Variants in RGS22 observed in about 807,000 individuals in gnomAD.
RGS22 encodes the protein regulator of G protein signaling 22.
A neutral mutation model predicts 172.9 loss-of-function variants in RGS22; 148 were observed. That is an observed-to-expected ratio of 0.86 (90% CI 0.75 to 0.98). The LOEUF (loss-of-function observed/expected upper bound fraction) is 0.98. RGS22 is among the 50% of genes least tolerant of loss of function. The pLI, the probability that RGS22 is intolerant of heterozygous loss-of-function variation, is 0.00. For synonymous variants in RGS22, 458 were observed against 480.2 expected, an observed-to-expected ratio of 0.95 and a Z score of 0.60; for missense variants, 1,347 against 1,440.8, an observed-to-expected ratio of 0.93 and a Z score of 1.05.
intron 22 of RGS22, among the ~76,000 whole-genome samples, chr8:99,980,373 A>G (rs1434348844): frequency 6.6e-6 from 1 of 152,216 alleles, no homozygotes. Flanking sequence ...GTCATGTTGC[A>G]GATCTAAAGT....
At position 100,080,106 on chromosome 8, in the gene RGS22, A is replaced by G. The variant is rs780104605; in HGVS notation, c.339+28T>C. The G allele has an allele frequency of 4.1e-6, 6 of 1,468,082 alleles. No homozygotes were observed. The East Asian group carries it at 1.1e-4, about 28-fold the overall frequency. 90.9% of individuals were successfully genotyped at this position (1,468,082 alleles called of 1,614,324 possible). ...ATTTCACCAAATGCTTTATCTATCT[A>G]ACAAGATAAAACAGTATACTTTCTT... On this transcript the variant is annotated intron_variant, in intron 4 of 27. Coordinates refer to ENST00000360863, the MANE Select transcript of RGS22 (RefSeq NM_015668.5).
At chr8:100,101,361 G>A (rs1400835849) in intron 2 of RGS22, among the ~76,000 whole-genome samples, 2 of 148,806 alleles carry the variant, frequency 1.3e-5, no homozygotes, top group South Asian at 2.1e-4. Flanking sequence ...ATCTCAGCTC[G>A]CTGCAACCTC....
Position 100,040,031 on chromosome 8 carries a change from C to T in RGS22, c.1995G>A (p.Leu665=), listed in dbSNP as rs373867783. The T allele has an allele frequency of 3.7e-6, 6 of 1,609,194 alleles. No individual in the cohort carries two copies. The African/African-American group carries it at 5.4e-5, about 14-fold the overall frequency. The change falls in exon 13 of 28, where the codon TTG becomes TTA. Residue 665 remains leucine (L), a synonymous_variant. Transcript: ENST00000360863. The part of the protein sequence containing the change: ...ALGGSDMENL[L]QSLYVENRAG... ...CTCTATTTTCTACATACAAAGATTG[C>T]AACAAATTTTCCATGTCAGATCCTC... is the stretch of plus-strand genomic sequence containing the variant.
At chr8:99,987,028 C>T (rs568956642) in intron 21 of RGS22, among the ~76,000 whole-genome samples, 1 of 152,230 alleles carries the variant, frequency 6.6e-6, no homozygotes, top group Admixed American at 6.5e-5. Flanking sequence ...ATCTGAAATG[C>T]TTAGGACCAG....
chr8:100,048,481 G>T, intron 10 of RGS22, among the ~76,000 whole-genome samples: 1 of 151,940 alleles, frequency 6.6e-6, no homozygotes, highest in South Asian at 2.1e-4. Context: ...TTTCTAATAC[G>T]TCAACTTCCA....
chr8:100,047,076 A>G (rs1820801518), intron 11 of RGS22, among the ~76,000 whole-genome samples: 2 of 152,122 alleles, frequency 1.3e-5, no homozygotes, highest in Non-Finnish European at 2.9e-5. Flanking sequence ...CTGGTCTCCA[A>G]AATGCTGCGA....
intron 14 of RGS22, among the ~76,000 whole-genome samples, chr8:100,029,303 G>A (rs181013277): frequency 3.1e-4 from 47 of 152,282 alleles, no homozygotes; most frequent in Non-Finnish European, 5.6e-4. Context: ...AATGATGTGT[G>A]TTGCTTTAAG....
At chr8:100,026,826 C>T (rs1204883149) in intron 14 of RGS22, among the ~76,000 whole-genome samples, 1 of 152,144 alleles carries the variant, frequency 6.6e-6, no homozygotes, top group Non-Finnish European at 1.5e-5. Flanking sequence ...GAAACAGTTC[C>T]CTCATTCCTA....
At chr8:100,090,163 G>A (rs908094801) in intron 3 of RGS22, among the ~76,000 whole-genome samples, 2 of 152,158 alleles carry the variant, frequency 1.3e-5, no homozygotes, top group Non-Finnish European at 2.9e-5. Flanking sequence ...CTTAACATAC[G>A]TTACCTCACT....
At chr8:99,962,341 AGTGT>A in intron 27 of RGS22, 49 bp downstream of exon 27, 3 of 1,098,744 alleles carry the variant, frequency 2.7e-6, no homozygotes, top group East Asian at 2.4e-5. Flanking sequence ...TACATGAATG[AGTGT>A]ATTACGAGGA....
intron 16 of RGS22, among the ~76,000 whole-genome samples, chr8:100,005,759 G>A (rs1815625641): frequency 6.6e-6 from 1 of 152,182 alleles, no homozygotes; most frequent in Non-Finnish European, 1.5e-5. Context: ...AGGCTCCAAT[G>A]TCTGGTCTTA....
intron 9 of RGS22, among the ~76,000 whole-genome samples, chr8:100,056,411 G>A (rs761666777): frequency 1.4e-4 from 22 of 152,150 alleles, no homozygotes; most frequent in Non-Finnish European, 2.2e-4. Flanking sequence ...AATGTTAATC[G>A]CCAAGACAAT....
intron 3 of RGS22, among the ~76,000 whole-genome samples, chr8:100,089,211 AACACACACACAC>A (rs58302018): frequency 2.1e-5 from 3 of 144,538 alleles, no homozygotes; most frequent in Non-Finnish European, 4.6e-5. Context: ...CACACACACA[AACACACACACAC>A]ACACACACAC....
At position 100,039,019 on chromosome 8, in the gene RGS22, C is replaced by T. The variant is rs764840035; in HGVS notation, c.2078G>A (p.Ser693Asn). Residue 693 changes from serine to asparagine, a missense_variant, in exon 14 of 28, where the codon AGT (serine) becomes AAT (asparagine). Transcript: ENST00000360863. ...CTGCAGGTCAAACCAAAAGTACACACTGTTCTTCCACAACTACAGATGGAA... is the reference window on the plus strand; with the variant it reads ...CTGCAGGTCAAACCAAAAGTACACATTGTTCTTCCACAACTACAGATGGAA... ...EHSGNKLWKNSVYFWFDLQAY... is the reference protein window; with the variant it reads ...EHSGNKLWKNNVYFWFDLQAY... The T allele has an allele frequency of 6.2e-7, 1 of 1,602,892 alleles. No homozygotes were observed. Among genetic ancestry groups the T allele is most frequent in the Non-Finnish European group, 8.5e-7 (1 of 1,172,182 alleles).
chr8:99,982,642 C>T (rs1258179064), intron 21 of RGS22, among the ~76,000 whole-genome samples: 1 of 152,230 alleles, frequency 6.6e-6, no homozygotes, highest in Non-Finnish European at 1.5e-5. Flanking sequence ...TCCAGTCCTG[C>T]TTCTACGCCA....
At chr8:99,978,903 G>T (rs1812256705) in intron 22 of RGS22, among the ~76,000 whole-genome samples, 1 of 152,102 alleles carries the variant, frequency 6.6e-6, no homozygotes, top group African/African-American at 2.4e-5. Flanking sequence ...GGGAAAAGAG[G>T]AATCTTTAAA....
intron 21 of RGS22, among the ~76,000 whole-genome samples, chr8:99,982,873 A>G (rs532152594): frequency 6.6e-6 from 1 of 152,328 alleles, no homozygotes; most frequent in African/African-American, 2.4e-5. Context: ...TGGGAATATT[A>G]CGTGATGCTG....
intron 14 of RGS22, among the ~76,000 whole-genome samples, chr8:100,034,185 G>C (rs950293561): frequency 2.6e-5 from 4 of 152,144 alleles, no homozygotes; most frequent in African/African-American, 9.7e-5. Flanking sequence ...GTCCCTGTTC[G>C]CAGATGACAT....
chr8:100,083,827 TTTC>T lies in RGS22; in HGVS notation c.118-3475_118-3473del, dbSNP rs1193295258. 5.9e-4 allele frequency among the ~76,000 whole-genome samples: 61 copies of T among 104,070 alleles called. No individual in the cohort carries two copies. The Middle Eastern group carries it at 0.014, about 24-fold the overall frequency. 68.3% of individuals were successfully genotyped at this position (104,070 alleles called of 152,430 possible). On this transcript the variant is annotated intron_variant, in intron 3 of 27. Transcript: ENST00000360863. Reference sequence around the variant, plus strand: ...ACCTAGAACTGACCGCGTAATTTCTTTTCTTTTTTTTTTTTTTTTTTGTTTTTT... The same window carrying T: ...ACCTAGAACTGACCGCGTAATTTCTTTTTTTTTTTTTTTTTTTTGTTTTTT...
Sources: allele counts gnomAD v4.1 joint callset (sites outside exome capture counted in the v4.1 genomes callset), GRCh38; gene constraint gnomAD v4.1.1; transcripts MANE v1.5; gene names NCBI Gene and HGNC (gene_info 2026-07-23, HGNC 2026-07-21).